Variants in MAP3K7 observed in about 807,000 individuals in gnomAD.
MAP3K7 encodes the protein mitogen-activated protein kinase kinase kinase 7.
In MAP3K7, 21 loss-of-function variants were observed where a neutral mutation model predicts 84.8. That is an observed-to-expected ratio of 0.25 (90% CI 0.18 to 0.36). The LOEUF (loss-of-function observed/expected upper bound fraction) is 0.36, where lower values mean the gene tolerates loss of function less well. Among genes scored for constraint, MAP3K7 ranks in the 10% least tolerant of loss-of-function variants. The pLI is 1.00. For missense variants in MAP3K7, 503 were observed against 747.7 expected (o/e 0.67, Z 3.82); for synonymous variants, 241 against 247.7 (o/e 0.97, Z 0.25).
At chr6:90,558,633 T>C (rs180760440) in intron 5 of MAP3K7, among the ~76,000 whole-genome samples, 9 of 152,330 alleles carry the variant, frequency 5.9e-5, no homozygotes, top group Admixed American at 4.6e-4. Flanking sequence ...TAGAAGGATA[T>C]ATCTGGTCTA....
intron 15 of MAP3K7, 88 bp downstream of exon 15, chr6:90,519,170 C>A (rs891489497): frequency 1.3e-6 from 1 of 797,710 alleles, no homozygotes. Flanking sequence ...TAAGGAGTGA[C>A]TATACAATGA....
At chr6:90,517,289 CT>C in intron 16 of MAP3K7, among the ~76,000 whole-genome samples, 1 of 151,802 alleles carries the variant, frequency 6.6e-6, no homozygotes, top group Non-Finnish European at 1.5e-5. Flanking sequence ...ATTTAAGTCC[CT>C]CTTATTTGGG....
intron 1 of MAP3K7, 60 bp downstream of exon 1, chr6:90,586,704 C>T (rs185878786): frequency 9.7e-6 from 15 of 1,541,062 alleles, no homozygotes; most frequent in South Asian, 1.2e-5. Context: ...GAGCCGGCAC[C>T]AGGCAGAGGC....
chr6:90,562,261 G>A lies in MAP3K7; in HGVS notation c.298-594C>T, dbSNP rs564364284. Among the ~76,000 whole-genome samples the A allele has an allele frequency of 2.2e-4, 33 of 152,278 alleles. No individual in the cohort carries two copies. In the East Asian group the frequency reaches 2.9e-3, roughly 13 times the overall value. On this transcript the variant is annotated intron_variant, in intron 3 of 16. Coordinates refer to ENST00000369329, the MANE Select transcript of MAP3K7 (RefSeq NM_145331.3). ...GGGTGCAGCCCATGGAGTGTGAGTC[G>A]AAGCAGGGCAGGGCGTCGCCTCACC...
At chr6:90,523,926 A>G (rs1775238556) in intron 13 of MAP3K7, 143 bp from the exon 14 acceptor site, 1 of 559,260 alleles carries the variant, frequency 1.8e-6, no homozygotes, top group Non-Finnish European at 3.2e-6. Flanking sequence ...TCTCTTATAT[A>G]TATGTAAAAA....
intron 1 of MAP3K7, among the ~76,000 whole-genome samples, chr6:90,577,487 C>G (rs922877420): frequency 7.6e-6 from 1 of 131,348 alleles, no homozygotes; most frequent in South Asian, 2.5e-4. Flanking sequence ...AAGAGGTAAC[C>G]AAAAATAATA....
At chr6:90,577,449 TAGTC>T (rs1253087155) in intron 1 of MAP3K7, among the ~76,000 whole-genome samples, 1 of 152,166 alleles carries the variant, frequency 6.6e-6, no homozygotes, top group Non-Finnish European at 1.5e-5. Flanking sequence ...CATTAGCATG[TAGTC>T]AGTTTTTCTA....
intron 5 of MAP3K7, 94 bp downstream of exon 5, chr6:90,559,982 C>A: frequency 7.1e-7 from 1 of 1,414,882 alleles, no homozygotes. Context: ...AACTCCTGTA[C>A]AATAATGAGC....
intron 6 of MAP3K7, among the ~76,000 whole-genome samples, chr6:90,554,698 T>C (rs1376412367): frequency 6.6e-6 from 1 of 152,218 alleles, no homozygotes; most frequent in Non-Finnish European, 1.5e-5. Context: ...TAATCTTTTG[T>C]ATAAACAAAT....
chr6:90,579,090 A>C (rs1397792885), intron 1 of MAP3K7, among the ~76,000 whole-genome samples: 5 of 152,202 alleles, frequency 3.3e-5, no homozygotes, highest in African/African-American at 1.2e-4. Context: ...TCATGGTGCC[A>C]ACAAAACAGA....
chr6:90,567,717 A>G (rs9353743), intron 3 of MAP3K7, among the ~76,000 whole-genome samples: 5,427 of 152,326 alleles, frequency 0.036, 114 homozygotes, highest in African/African-American at 0.052. Flanking sequence ...TACTGGGTAT[A>G]TACCCAAAGG....
intron 1 of MAP3K7, among the ~76,000 whole-genome samples, chr6:90,576,841 T>C (rs994328685): frequency 1.3e-5 from 2 of 151,884 alleles, no homozygotes; most frequent in Non-Finnish European, 2.9e-5. Flanking sequence ...TGGTGTATAG[T>C]GGAGGAAGGG....
intron 11 of MAP3K7, among the ~76,000 whole-genome samples, chr6:90,546,575 C>T (rs557974038): frequency 1.3e-5 from 2 of 152,146 alleles, no homozygotes; most frequent in Non-Finnish European, 2.9e-5. Flanking sequence ...CAAATTAAAC[C>T]AGCATTACTA....
At chr6:90,582,445 A>G (rs1777305672) in intron 1 of MAP3K7, among the ~76,000 whole-genome samples, 1 of 152,216 alleles carries the variant, frequency 6.6e-6, no homozygotes, top group African/African-American at 2.4e-5. Flanking sequence ...TTGCTGAAGG[A>G]GAGACACAAT....
chr6:90,551,860 A>AC (rs1448806112), intron 8 of MAP3K7, 189 bp downstream of exon 8: 1 of 479,160 alleles, frequency 2.1e-6, no homozygotes, highest in African/African-American at 3.0e-5. Flanking sequence ...TTCCAGTGAT[A>AC]AAGAACTAGA....
intron 1 of MAP3K7, among the ~76,000 whole-genome samples, chr6:90,586,405 A>G (rs1777456439): frequency 6.8e-6 from 1 of 147,876 alleles, no homozygotes; most frequent in African/African-American, 2.5e-5. Flanking sequence ...AAAAAAGAAC[A>G]TTACGTCCAG....
In MAP3K7 at chr6:90,586,893, C is replaced by T. The variant is rs1046214310; in HGVS notation, c.-10G>A. On this transcript the variant is annotated 5_prime_UTR_variant, in exon 1 of 17. Coordinates refer to ENST00000369329, the MANE Select transcript of MAP3K7 (RefSeq NM_145331.3). ...CAGAGGCTGTAGACATGATCCCTCG[C>T]GGCGCCCGGTGGGGCCGGGAACGGT... The T allele has an allele frequency of 1.2e-6, 2 of 1,600,914 alleles. No homozygotes were observed. The highest frequency in any genetic ancestry group is 1.7e-6 in the Non-Finnish European group (2 of 1,175,256).
chr6:90,517,687 T>G (rs1401181052), intron 16 of MAP3K7, among the ~76,000 whole-genome samples: 4 of 151,858 alleles, frequency 2.6e-5, no homozygotes, highest in Non-Finnish European at 5.9e-5. Flanking sequence ...TTTAAATCAC[T>G]GTATCAATAA....
At chr6:90,569,288 G>A (rs1203150143) in intron 2 of MAP3K7, among the ~76,000 whole-genome samples, 1 of 151,938 alleles carries the variant, frequency 6.6e-6, no homozygotes, top group Non-Finnish European at 1.5e-5. Flanking sequence ...CTCATTTCTT[G>A]AATTAATTCT....
Sources: allele counts gnomAD v4.1 joint callset (sites outside exome capture counted in the v4.1 genomes callset), GRCh38; gene constraint gnomAD v4.1.1; transcripts MANE v1.5; gene names NCBI Gene and HGNC (gene_info 2026-07-23, HGNC 2026-07-21).